Variants in GNB5 observed in about 807,000 individuals in gnomAD.
GNB5 encodes G protein subunit beta 5.
Under a neutral mutation model 55.3 loss-of-function variants are expected in GNB5, and 37 were observed. That is an observed-to-expected ratio of 0.67 (90% CI 0.51 to 0.88). GNB5 has a LOEUF of 0.88. Among genes scored for constraint, GNB5 ranks in the 40% least tolerant of loss-of-function variants. GNB5 has a pLI of 0.00. For missense variants in GNB5, 476 were observed against 515.3 expected, an observed-to-expected ratio of 0.92 and a Z score of 0.74; for synonymous variants, 219 against 198.5, an observed-to-expected ratio of 1.10 and a Z score of -0.87.
intron 10 of GNB5, 24 bp downstream of exon 10, chr15:52,128,172 G>A (rs2033475864): frequency 6.5e-7 from 1 of 1,543,472 alleles, no homozygotes; most frequent in Non-Finnish European, 9.0e-7. Context: ...ACTAGGAAAA[G>A]CTCTCAAAAA....
At chr15:52,187,971 T>A (rs11631344) in intron 1 of GNB5, among the ~76,000 whole-genome samples, 114,830 of 149,778 alleles carry the variant, frequency 0.77, 45,282 homozygotes, top group Non-Finnish European at 0.87. Flanking sequence ...AAATTAAAAA[T>A]AAATAAATAA....
rs2033154240 is a variant in GNB5 at position 52,117,003 on chromosome 15, A to G, written c.*5754T>C. On this transcript the variant is annotated 3_prime_UTR_variant, in exon 13 of 13. Coordinates refer to ENST00000261837, the MANE Select transcript of GNB5 (RefSeq NM_016194.4). The stretch of plus-strand genomic sequence containing the variant: ...CAGTGGTGCCATCTCGGCTCACTGC[A>G]AGCTCTACCTCCTGGGTTCATGCCA... 1 of 147,694 alleles carries G rather than the reference A, an allele frequency of 6.8e-6. No homozygotes were observed. Among genetic ancestry groups the G allele is most frequent in the Non-Finnish European group, 1.5e-5 (1 of 67,216 alleles). 9.1% of individuals were successfully genotyped at this position (147,694 alleles called of 1,614,324 possible). A position where few individuals can be genotyped will look rare whatever the true frequency, so the allele number is the denominator to read the frequency against.
In GNB5 at chr15:52,152,449, G is replaced by A. The variant is rs192511826; in HGVS notation, c.375+1491C>T. The stretch of plus-strand genomic sequence containing the variant: ...AGCGATTCTCCTGCCTCAGCCTTCC[G>A]AGTAGCTGGGATTACAGGCTCCCAC... On this transcript the variant is annotated intron_variant, in intron 4 of 12. Coordinates refer to ENST00000261837, the MANE Select transcript of GNB5 (RefSeq NM_016194.4). 3.2e-4 allele frequency among the ~76,000 whole-genome samples: 48 copies of A among 150,842 alleles called. 1 individual carries two copies. Among genetic ancestry groups the A allele is most frequent in the Admixed American group, 7.3e-4 (11 of 15,138 alleles).
intron 4 of GNB5, among the ~76,000 whole-genome samples, chr15:52,151,734 T>A (rs1264055697): frequency 1.3e-5 from 2 of 152,186 alleles, no homozygotes; most frequent in Non-Finnish European, 2.9e-5. Flanking sequence ...GTCAAAAGGC[T>A]AGAGAGCGAC....
At chr15:52,185,400 T>TAGATTTTATCATTCTCA (rs1174443240) in intron 1 of GNB5, among the ~76,000 whole-genome samples, 5 of 151,854 alleles carry the variant, frequency 3.3e-5, no homozygotes, top group Non-Finnish European at 7.4e-5. Context: ...CCTTCTGGGG[T>TAGATTTTATCATTCTCA]TGTCAAGAGA....
chr15:52,118,414 A>G lies in GNB5; in HGVS notation c.*4343T>C, dbSNP rs1257924100. The G allele has an allele frequency of 6.6e-6, 1 of 151,964 alleles. No homozygotes were observed. Among genetic ancestry groups the G allele is most frequent in the African/African-American group, 2.4e-5 (1 of 41,366 alleles). The allele number at this position is 151,964 out of a possible 1,614,324, so 9.4% of individuals were successfully genotyped here. On this transcript the variant is annotated 3_prime_UTR_variant, in exon 13 of 13. Coordinates refer to ENST00000261837, the MANE Select transcript of GNB5 (RefSeq NM_016194.4). ...ATTTTCATCCTCTCAGGAATTTTCC[A>G]GAGACTACTGGCATGGGAGAAAGAT...
At chr15:52,154,902 A>T (rs1437767229) in intron 3 of GNB5, among the ~76,000 whole-genome samples, 1 of 152,262 alleles carries the variant, frequency 6.6e-6, no homozygotes, top group Non-Finnish European at 1.5e-5. Flanking sequence ...CTGGGACCAC[A>T]GCTTCTTTCC....
Position 52,116,735 on chromosome 15 carries a change from A to G in GNB5, c.*6022T>C, listed in dbSNP as rs1327107845. The G allele has an allele frequency of 1.3e-5, 2 of 152,074 alleles. No homozygotes were observed. Among genetic ancestry groups the G allele is most frequent in the African/African-American group, 4.8e-5 (2 of 41,398 alleles). 9.4% of individuals were successfully genotyped at this position (152,074 alleles called of 1,614,324 possible). A position where few individuals can be genotyped will look rare whatever the true frequency, so the allele number is the denominator to read the frequency against. On this transcript the variant is annotated 3_prime_UTR_variant, in exon 13 of 13. Coordinates refer to ENST00000261837, the MANE Select transcript of GNB5 (RefSeq NM_016194.4). Reference sequence around the variant, plus strand: ...CACAAAAGATTCTGCAAAAATTACAACCTTGCACATAGGCTGCTGCAACCT... The same window carrying G: ...CACAAAAGATTCTGCAAAAATTACAGCCTTGCACATAGGCTGCTGCAACCT...
intron 8 of GNB5, among the ~76,000 whole-genome samples, chr15:52,134,442 G>A (rs183354633): frequency 0.016 from 2,446 of 152,180 alleles, 71 homozygotes; most frequent in African/African-American, 0.056. Flanking sequence ...GAAAATGTGG[G>A]CAAAGAAACC....
chr15:52,184,483 A>G, intron 2 of GNB5, 68 bp downstream of exon 2: 1 of 1,369,840 alleles, frequency 7.3e-7, no homozygotes, highest in South Asian at 1.2e-5. Context: ...ATGGCATCTC[A>G]TCTGTCACAG....
intron 1 of GNB5, among the ~76,000 whole-genome samples, chr15:52,186,611 C>T (rs922945432): frequency 3.3e-5 from 5 of 152,116 alleles, no homozygotes; most frequent in Non-Finnish European, 7.4e-5. Context: ...CCAGTGTGGC[C>T]CTGTCAATTT....
In GNB5 at chr15:52,119,739, G is replaced by A. The variant is rs1044640030; in HGVS notation, c.*3018C>T. On this transcript the variant is annotated 3_prime_UTR_variant, in exon 13 of 13. Coordinates refer to ENST00000261837, the MANE Select transcript of GNB5 (RefSeq NM_016194.4). Reference sequence around the variant, plus strand: ...CATATATTCTGTGACCGTGACAGAGGTGGGTGTGAATGAAGGCCAGCCCTC... The same window carrying A: ...CATATATTCTGTGACCGTGACAGAGATGGGTGTGAATGAAGGCCAGCCCTC... 2.0e-5 allele frequency: 3 copies of A among 152,224 alleles called. No homozygotes were observed. Among genetic ancestry groups the A allele is most frequent in the African/African-American group, 7.2e-5 (3 of 41,504 alleles). The allele number at this position is 152,224 out of a possible 1,614,324, so 9.4% of individuals were successfully genotyped here.
At position 52,165,795 on chromosome 15, in the gene GNB5, A is replaced by C. The variant is rs577293492; in HGVS notation, c.239-11719T>G. On this transcript the variant is annotated intron_variant, in intron 3 of 12. Coordinates refer to ENST00000261837, the MANE Select transcript of GNB5 (RefSeq NM_016194.4). ...AAGCACCTACACAAACAAGTCTGCA[A>C]AATAACTAGCTAGCATCATGATGAC... is the stretch of plus-strand genomic sequence containing the variant. 3.9e-5 allele frequency among the ~76,000 whole-genome samples: 6 copies of C among 152,342 alleles called. No homozygotes were observed. The South Asian group carries it at 1.2e-3, about 32-fold the overall frequency.
chr15:52,153,383 G>A (rs182167228), intron 4 of GNB5, among the ~76,000 whole-genome samples: 148 of 152,230 alleles, frequency 9.7e-4, no homozygotes, highest in Non-Finnish European at 1.5e-3. Context: ...ACCTGAGCCC[G>A]AACCACCCAA....
In GNB5 at chr15:52,179,124, A is replaced by G. The variant is rs562080431; in HGVS notation, c.238+644T>C. 4.6e-5 allele frequency among the ~76,000 whole-genome samples: 7 copies of G among 152,314 alleles called. No homozygotes were observed. In the East Asian group the frequency reaches 1.3e-3, roughly 29 times the overall value. On this transcript the variant is annotated intron_variant, in intron 3 of 12. Coordinates refer to ENST00000261837, the MANE Select transcript of GNB5 (RefSeq NM_016194.4). Reference sequence around the variant, plus strand: ...TGAAGAATGCAAGTTTAAGATCGCTATGGCTTTTTTATGCCAATCCACCAC... The same window carrying G: ...TGAAGAATGCAAGTTTAAGATCGCTGTGGCTTTTTTATGCCAATCCACCAC...
At chr15:52,189,594 G>A (rs947188070) in intron 1 of GNB5, among the ~76,000 whole-genome samples, 1 of 151,986 alleles carries the variant, frequency 6.6e-6, no homozygotes, top group Non-Finnish European at 1.5e-5. Context: ...CAAAAAAAAA[G>A]AAAATATATG....
At chr15:52,185,056 T>TCCTCC (rs1452306364) in intron 1 of GNB5, among the ~76,000 whole-genome samples, 1 of 152,202 alleles carries the variant, frequency 6.6e-6, no homozygotes, top group Non-Finnish European at 1.5e-5. Context: ...TTAAAAACAT[T>TCCTCC]CCTCCCCTCA....
At chr15:52,154,151 A>G (rs1596082027) in intron 3 of GNB5, 75 bp from the exon 4 acceptor site, 12 of 1,441,338 alleles carry the variant, frequency 8.3e-6, no homozygotes, top group Non-Finnish European at 9.4e-6. Flanking sequence ...CAGCACAGAC[A>G]TATGTTCCGC....
At chr15:52,188,062 T>G (rs949397699) in intron 1 of GNB5, among the ~76,000 whole-genome samples, 1 of 152,222 alleles carries the variant, frequency 6.6e-6, no homozygotes, top group Non-Finnish European at 1.5e-5. Context: ...TGTTGGCATT[T>G]TATGTTTTCC....
Sources: gnomAD v4.1 joint callset for allele counts (sites outside exome capture counted in the v4.1 genomes callset) on GRCh38, gnomAD v4.1.1 for gene constraint, MANE v1.5 for transcripts, NCBI Gene and HGNC (gene_info 2026-07-23, HGNC 2026-07-21) for gene names.